SCHIP1: variants seen among roughly 807,000 people sequenced by gnomAD.
SCHIP1 encodes the protein schwannomin interacting protein 1, also known as schwannomin-interacting protein 1.
A neutral mutation model predicts 29.7 loss-of-function variants in SCHIP1; 8 were observed. That is an observed-to-expected ratio of 0.27 (90% CI 0.16 to 0.49). The LOEUF (loss-of-function observed/expected upper bound fraction) is 0.49. Ranked by LOEUF, SCHIP1 falls within the 20% of genes least tolerant of loss-of-function variation. The pLI is 0.99. For missense variants in SCHIP1, 193 were observed against 294.6 expected, an observed-to-expected ratio of 0.66 and a Z score of 2.52; for synonymous variants, 76 against 94.9, an observed-to-expected ratio of 0.80 and a Z score of 1.16.
chr3:159,319,135 G>GA, the SCHIP1 span, among the ~76,000 whole-genome samples: 1 of 152,042 alleles, frequency 6.6e-6, no homozygotes, highest in African/African-American at 2.4e-5. Context: ...GATAGAGACT[G>GA]AAAAAAATGT....
At chr3:159,378,170 A>C in the SCHIP1 span, among the ~76,000 whole-genome samples, 1 of 152,172 alleles carries the variant, frequency 6.6e-6, no homozygotes, top group Non-Finnish European at 1.5e-5. Flanking sequence ...TATTCTTATT[A>C]CCTAATTTGT....
At chr3:159,868,766 A>G (rs139088359) in intron 2 of SCHIP1, among the ~76,000 whole-genome samples, 1 of 152,170 alleles carries the variant, frequency 6.6e-6, no homozygotes, top group East Asian at 1.9e-4. Context: ...ACATTCTTGT[A>G]TATGTCTTCT....
the SCHIP1 span, among the ~76,000 whole-genome samples, chr3:159,484,745 A>G: frequency 6.6e-6 from 1 of 152,180 alleles, no homozygotes; most frequent in Admixed American, 6.6e-5. Context: ...TACAAATTAA[A>G]ACTATTGACC....
At chr3:159,814,414 G>C in the SCHIP1 span, among the ~76,000 whole-genome samples, 6 of 152,188 alleles carry the variant, frequency 3.9e-5, no homozygotes, top group Non-Finnish European at 8.8e-5. Flanking sequence ...TCAGCTTCCT[G>C]CACCCAGTGC....
the SCHIP1 span, among the ~76,000 whole-genome samples, chr3:159,710,212 C>A: frequency 6.6e-6 from 1 of 151,234 alleles, no homozygotes; most frequent in African/African-American, 2.4e-5. Flanking sequence ...AGATGAATTG[C>A]TTTTTTTTTA....
At chr3:159,286,136 C>A in the SCHIP1 span, among the ~76,000 whole-genome samples, 1 of 151,980 alleles carries the variant, frequency 6.6e-6, no homozygotes, top group Non-Finnish European at 1.5e-5. Context: ...AATTCCATGT[C>A]ATGGGGGTTT....
intron 1 of SCHIP1, among the ~76,000 whole-genome samples, chr3:159,847,354 A>C (rs1227507876): frequency 6.6e-6 from 1 of 152,184 alleles, no homozygotes; most frequent in Non-Finnish European, 1.5e-5. Flanking sequence ...CCCATTATTT[A>C]TTTATATTCT....
At chr3:159,678,212 C>A in the SCHIP1 span, among the ~76,000 whole-genome samples, 22 of 152,314 alleles carry the variant, frequency 1.4e-4, no homozygotes, top group African/African-American at 5.3e-4. Flanking sequence ...TCTGAACTCC[C>A]ATAAATTGTC....
chr3:159,829,957 G>A, the SCHIP1 span, among the ~76,000 whole-genome samples: 1 of 152,146 alleles, frequency 6.6e-6, no homozygotes, highest in Non-Finnish European at 1.5e-5. Context: ...AGAAATATGA[G>A]TAATTGCTAT....
At chr3:159,746,960 T>C in the SCHIP1 span, among the ~76,000 whole-genome samples, 209 of 152,338 alleles carry the variant, frequency 1.4e-3, 1 homozygote, top group African/African-American at 4.9e-3. Context: ...ACCTCTCCAA[T>C]ACCTTTTCCA....
the SCHIP1 span, among the ~76,000 whole-genome samples, chr3:159,761,354 G>C: frequency 3.3e-5 from 5 of 152,182 alleles, no homozygotes; most frequent in African/African-American, 1.2e-4. Flanking sequence ...AGGTGCTGGA[G>C]CCAGAGCACA....
the SCHIP1 span, among the ~76,000 whole-genome samples, chr3:159,629,592 C>T: frequency 3.3e-5 from 5 of 152,166 alleles, no homozygotes; most frequent in African/African-American, 9.7e-5. Context: ...ACAACACTTA[C>T]CAGCATGTGA....
chr3:159,873,691 A>G (rs1327286504), intron 2 of SCHIP1, among the ~76,000 whole-genome samples: 1 of 152,230 alleles, frequency 6.6e-6, no homozygotes, highest in East Asian at 1.9e-4. Context: ...AAAATTTGCT[A>G]ATCCACACAT....
the SCHIP1 span, among the ~76,000 whole-genome samples, chr3:159,519,933 C>T: frequency 1.7e-3 from 257 of 151,404 alleles, 1 homozygote; most frequent in African/African-American, 6.0e-3. Context: ...GATCCAGGGC[C>T]ACCACGTATA....
chr3:159,810,123 G>T, the SCHIP1 span, among the ~76,000 whole-genome samples: 3 of 152,304 alleles, frequency 2.0e-5, no homozygotes, highest in African/African-American at 7.2e-5. Context: ...TCAGCTCACT[G>T]CAACCTCCGC....
At chr3:159,598,387 T>C in the SCHIP1 span, among the ~76,000 whole-genome samples, 5,761 of 152,178 alleles carry the variant, frequency 0.038, 269 homozygotes, top group East Asian at 0.17. Flanking sequence ...CAAGATACAA[T>C]GGGTGTGCAG....
the SCHIP1 span, among the ~76,000 whole-genome samples, chr3:159,552,814 T>C: frequency 6.6e-6 from 1 of 152,236 alleles, no homozygotes; most frequent in African/African-American, 2.4e-5. Flanking sequence ...TTATGTAACC[T>C]TACCATTGAT....
chr3:159,312,733 C>G, the SCHIP1 span, among the ~76,000 whole-genome samples: 1 of 152,076 alleles, frequency 6.6e-6, no homozygotes, highest in African/African-American at 2.4e-5. Context: ...CTGGGAGGTG[C>G]CTGGTCCAAC....
the SCHIP1 span, among the ~76,000 whole-genome samples, chr3:159,296,839 A>G: frequency 2.0e-5 from 3 of 152,166 alleles, no homozygotes; most frequent in African/African-American, 4.8e-5. Flanking sequence ...ATTATTAACC[A>G]TAGTTACTAT....
Sources: gnomAD v4.1 joint callset for allele counts (sites outside exome capture counted in the v4.1 genomes callset) on GRCh38, gnomAD v4.1.1 for gene constraint, MANE v1.5 for transcripts, NCBI Gene and HGNC (gene_info 2026-07-23, HGNC 2026-07-21) for gene names.